Variants in PTPRT observed in about 807,000 individuals in gnomAD.
PTPRT encodes the protein receptor-type tyrosine-protein phosphatase T.
In PTPRT, 56 loss-of-function variants were observed where a neutral mutation model predicts 176.8. The observed-to-expected ratio is 0.32, with a 90% CI of 0.26 to 0.40. The LOEUF (loss-of-function observed/expected upper bound fraction) is 0.40, where lower values mean the gene tolerates loss of function less well. Among genes scored for constraint, PTPRT ranks in the 10% least tolerant of loss-of-function variants. The pLI is 1.00. For synonymous variants in PTPRT, 783 were observed against 739.0 expected (o/e 1.06, Z -0.96); for missense variants, 1,540 against 1,908.2 (o/e 0.81, Z 3.60).
At chr20:42,426,844 C>T (rs2059169085) in intron 9 of PTPRT, among the ~76,000 whole-genome samples, 2 of 152,134 alleles carry the variant, frequency 1.3e-5, no homozygotes, top group African/African-American at 4.8e-5. Flanking sequence ...GGTCAGATGG[C>T]TGATGTGGAG....
At chr20:42,162,861 C>T (rs148984848) in intron 16 of PTPRT, among the ~76,000 whole-genome samples, 3 of 152,348 alleles carry the variant, frequency 2.0e-5, no homozygotes, top group East Asian at 3.9e-4. Context: ...TGAATGCACA[C>T]TCTACTTCTC....
chr20:43,071,909 C>T (rs1350593299), intron 1 of PTPRT, among the ~76,000 whole-genome samples: 2 of 152,228 alleles, frequency 1.3e-5, no homozygotes, highest in Non-Finnish European at 2.9e-5. Flanking sequence ...GAGCTGCTGC[C>T]CCACTTAAAC....
At chr20:42,438,811 A>T (rs1163168019) in intron 9 of PTPRT, among the ~76,000 whole-genome samples, 1 of 152,226 alleles carries the variant, frequency 6.6e-6, no homozygotes, top group East Asian at 1.9e-4. Context: ...AGTGCTACAC[A>T]TCTGTTGATT....
At chr20:43,100,758 TG>T (rs1431038989) in intron 1 of PTPRT, among the ~76,000 whole-genome samples, 1 of 152,056 alleles carries the variant, frequency 6.6e-6, no homozygotes, top group African/African-American at 2.4e-5. Flanking sequence ...ATAAAAGCAC[TG>T]GGGGACACCC....
intron 7 of PTPRT, among the ~76,000 whole-genome samples, chr20:42,532,819 C>T (rs545057778): frequency 4.3e-4 from 65 of 152,264 alleles, no homozygotes; most frequent in Non-Finnish European, 7.2e-4. Flanking sequence ...GGTATAAACC[C>T]AGTCCTTTCA....
intron 1 of PTPRT, among the ~76,000 whole-genome samples, chr20:43,123,488 G>A (rs2013341409): frequency 6.6e-6 from 1 of 152,144 alleles, no homozygotes; most frequent in Non-Finnish European, 1.5e-5. Flanking sequence ...TTAAAAGAGA[G>A]AGAACACGCC....
At chr20:42,718,117 A>C (rs924278018) in intron 6 of PTPRT, among the ~76,000 whole-genome samples, 2 of 152,378 alleles carry the variant, frequency 1.3e-5, no homozygotes, top group Non-Finnish European at 2.9e-5. Flanking sequence ...CAATACTACC[A>C]AAAACACGTA....
chr20:42,434,804 A>AT (rs1458167970), intron 9 of PTPRT, among the ~76,000 whole-genome samples: 3 of 97,680 alleles, frequency 3.1e-5, no homozygotes, highest in Non-Finnish European at 4.9e-5. Context: ...TCTATTAAAA[A>AT]TTAAAAAAAA....
chr20:42,618,280 G>A (rs1454759653), intron 7 of PTPRT, among the ~76,000 whole-genome samples: 1 of 130,938 alleles, frequency 7.6e-6, no homozygotes, highest in Non-Finnish European at 1.6e-5. Context: ...CTGAGTTCTA[G>A]TTTGATTGCA....
chr20:42,557,588 TA>T (rs1356739112), intron 7 of PTPRT, among the ~76,000 whole-genome samples: 2 of 152,194 alleles, frequency 1.3e-5, no homozygotes, highest in East Asian at 3.9e-4. Flanking sequence ...ACCATTTTTT[TA>T]ATGTTTCCAG....
At chr20:42,181,845 T>C (rs1990538669) in intron 16 of PTPRT, among the ~76,000 whole-genome samples, 1 of 151,956 alleles carries the variant, frequency 6.6e-6, no homozygotes, top group Admixed American at 6.6e-5. Flanking sequence ...GAATAAACAT[T>C]TGCATACAAG....
chr20:42,777,310 A>G (rs2077152036), intron 4 of PTPRT, among the ~76,000 whole-genome samples: 1 of 152,124 alleles, frequency 6.6e-6, no homozygotes, highest in South Asian at 2.1e-4. Context: ...TGCTCAGGAC[A>G]TGCTGGCAGC....
At chr20:42,306,302 T>A (rs187971468) in intron 12 of PTPRT, among the ~76,000 whole-genome samples, 7 of 151,888 alleles carry the variant, frequency 4.6e-5, no homozygotes, top group African/African-American at 1.7e-4. Flanking sequence ...GGGTTTAGAG[T>A]TTTAAGGCTC....
At chr20:42,669,917 G>A (rs1302923003) in intron 7 of PTPRT, among the ~76,000 whole-genome samples, 1 of 152,064 alleles carries the variant, frequency 6.6e-6, no homozygotes, top group Non-Finnish European at 1.5e-5. Flanking sequence ...GCGTAACATG[G>A]TTCTCCCTCT....
In PTPRT at chr20:42,162,425, T is replaced by C. The variant is rs556031480; in HGVS notation, c.2492-883A>G. ...TTTGGTCACCCTGAAAACTGATGCC[T>C]GGTCAGATTGGGTTTGAATTCTTCT... On this transcript the variant is annotated intron_variant, in intron 16 of 30. Transcript: ENST00000373187. Among the ~76,000 whole-genome samples the C allele has an allele frequency of 2.0e-5, 3 of 152,344 alleles. No homozygotes were observed. The East Asian group carries it at 5.8e-4, about 29-fold the overall frequency.
At chr20:42,536,825 C>A (rs1011642429) in intron 7 of PTPRT, among the ~76,000 whole-genome samples, 2 of 152,030 alleles carry the variant, frequency 1.3e-5, no homozygotes, top group African/African-American at 4.8e-5. Context: ...TGGCAGAAAC[C>A]AGAGATTTAA....
chr20:42,362,121 C>T (rs1214479737), intron 9 of PTPRT, among the ~76,000 whole-genome samples: 1 of 152,014 alleles, frequency 6.6e-6, no homozygotes, highest in African/African-American at 2.4e-5. Context: ...TAAAAAATAG[C>T]CAGGCATGGT....
chr20:42,061,969 C>T, the PTPRT span, among the ~76,000 whole-genome samples: 5 of 152,318 alleles, frequency 3.3e-5, no homozygotes, highest in East Asian at 1.9e-4. Flanking sequence ...GAACAAACCA[C>T]GCCAGCAGAA....
At chr20:42,726,850 G>T (rs2076388513) in intron 6 of PTPRT, among the ~76,000 whole-genome samples, 1 of 152,206 alleles carries the variant, frequency 6.6e-6, no homozygotes, top group South Asian at 2.1e-4. Context: ...TGTTACTAAT[G>T]GGATTTTTGT....
Sources: gnomAD v4.1 joint callset for allele counts (sites outside exome capture counted in the v4.1 genomes callset) on GRCh38, gnomAD v4.1.1 for gene constraint, MANE v1.5 for transcripts, NCBI Gene and HGNC (gene_info 2026-07-23, HGNC 2026-07-21) for gene names.